Variants in WDPCP observed in about 807,000 individuals in gnomAD.
WDPCP encodes WD repeat containing planar cell polarity effector.
A neutral mutation model predicts 93.1 loss-of-function variants in WDPCP; 71 were observed. The ratio of observed to expected loss-of-function variants is 0.76; its 90% CI spans 0.63 to 0.93. The LOEUF (loss-of-function observed/expected upper bound fraction) is 0.93, where lower values mean the gene tolerates loss of function less well. Among genes scored for constraint, WDPCP ranks in the 40% least tolerant of loss-of-function variants. WDPCP has a pLI of 0.00. For synonymous variants in WDPCP, 315 were observed against 315.0 expected (o/e 1.00, Z 0.00); for missense variants, 844 against 887.4 (o/e 0.95, Z 0.62).
chr2:63,715,642 G>A (rs1451576259), intron 2 of WDPCP, among the ~76,000 whole-genome samples: 1 of 152,152 alleles, frequency 6.6e-6, no homozygotes, highest in Non-Finnish European at 1.5e-5. Flanking sequence ...ACTTTCAATA[G>A]AAAAATGGTA....
chr2:63,733,084 T>A (rs1669584147), intron 2 of WDPCP, among the ~76,000 whole-genome samples: 1 of 151,532 alleles, frequency 6.6e-6, no homozygotes, highest in African/African-American at 2.4e-5. Context: ...TAAATGGGTA[T>A]AAAATATAAG....
chr2:63,154,741 T>C (rs1672119530), intron 15 of WDPCP, among the ~76,000 whole-genome samples: 1 of 152,138 alleles, frequency 6.6e-6, no homozygotes, highest in African/African-American at 2.4e-5. Flanking sequence ...GTTGTACCAT[T>C]TTATATTACA....
At chr2:63,701,368 G>A (rs1669047129) in intron 2 of WDPCP, among the ~76,000 whole-genome samples, 2 of 152,236 alleles carry the variant, frequency 1.3e-5, no homozygotes, top group South Asian at 4.1e-4. Context: ...TGACAAGGAT[G>A]TGAAGAAAGG....
At chr2:63,360,145 G>A (rs1403692259) in intron 12 of WDPCP, 1 of 152,132 alleles carries the variant, frequency 6.6e-6, no homozygotes, top group Non-Finnish European at 1.5e-5. Context: ...CTTTATATAT[G>A]TGTGAAAAAG....
intron 1 of WDPCP, among the ~76,000 whole-genome samples, chr2:63,526,416 A>AGGAAT (rs1703341100): frequency 6.6e-6 from 1 of 152,230 alleles, no homozygotes; most frequent in Non-Finnish European, 1.5e-5. Flanking sequence ...CTGTTTGAAA[A>AGGAAT]GGAATTTTTT....
chr2:63,294,860 A>G (rs1684724147), intron 13 of WDPCP, among the ~76,000 whole-genome samples: 1 of 152,188 alleles, frequency 6.6e-6, no homozygotes, highest in Non-Finnish European at 1.5e-5. Context: ...TTTAAAAATT[A>G]TGAGTCTAAA....
intron 15 of WDPCP, among the ~76,000 whole-genome samples, chr2:63,171,622 G>A (rs892814608): frequency 6.6e-6 from 1 of 152,136 alleles, no homozygotes; most frequent in African/African-American, 2.4e-5. Flanking sequence ...AAACAATTTG[G>A]CAGTTTCTTA....
At chr2:63,353,320 G>A (rs1172233398) in intron 12 of WDPCP, among the ~76,000 whole-genome samples, 1 of 152,148 alleles carries the variant, frequency 6.6e-6, no homozygotes, top group East Asian at 1.9e-4. Context: ...AAAGTGGGAG[G>A]TTAGACATTG....
chr2:63,467,362 CCCAGCTGCTCAGGAGGCTGAGG>C (rs1486410754), intron 6 of WDPCP, among the ~76,000 whole-genome samples: 2 of 151,828 alleles, frequency 1.3e-5, no homozygotes, highest in Non-Finnish European at 2.9e-5. Flanking sequence ...CACTTATAAT[CCCAGCTGCTCAGGAGGCTGAGG>C]CAGGAGAATC....
At chr2:63,244,613 T>C (rs1267314453) in intron 14 of WDPCP, among the ~76,000 whole-genome samples, 1 of 152,146 alleles carries the variant, frequency 6.6e-6, no homozygotes, top group East Asian at 1.9e-4. Flanking sequence ...CTGGAAAATC[T>C]AGAGGAAATG....
chr2:63,533,288 T>G (rs1470011260), intron 1 of WDPCP, among the ~76,000 whole-genome samples: 2 of 152,062 alleles, frequency 1.3e-5, no homozygotes, highest in African/African-American at 4.8e-5. Flanking sequence ...CCATCAATAT[T>G]AGACAGATCG....
intron 2 of WDPCP, among the ~76,000 whole-genome samples, chr2:63,797,575 GTTTT>G (rs1670635184): frequency 1.3e-5 from 2 of 151,378 alleles, no homozygotes; most frequent in African/African-American, 4.9e-5. Context: ...TACATTCAGT[GTTTT>G]GAGACTTGGT....
chr2:63,241,531 T>G (rs1679858379), intron 14 of WDPCP, among the ~76,000 whole-genome samples: 1 of 152,192 alleles, frequency 6.6e-6, no homozygotes, highest in Non-Finnish European at 1.5e-5. Context: ...GAGCAAATCT[T>G]TACCTTCATC....
chr2:63,225,965 T>TTA (rs1256800193), intron 14 of WDPCP, among the ~76,000 whole-genome samples: 3 of 152,044 alleles, frequency 2.0e-5, no homozygotes, highest in African/African-American at 7.2e-5. Flanking sequence ...TGGATGCCAA[T>TTA]TATATGTGTG....
intron 2 of WDPCP, among the ~76,000 whole-genome samples, chr2:63,761,014 G>C (rs868803210): frequency 6.6e-6 from 1 of 152,134 alleles, no homozygotes; most frequent in Non-Finnish European, 1.5e-5. Context: ...GGAGGTGAAG[G>C]CTCCCTCTTC....
At position 63,299,282 on chromosome 2, in the gene WDPCP, C is replaced by A. The variant is rs367680661; in HGVS notation, c.1812+13966G>T. On this transcript the variant is annotated intron_variant, in intron 13 of 17. Transcript: ENST00000272321. ...TGCCTACAGCTCAGCCCATTGGCTACTATGCCCTTCACCTGTATCAAACCA... is the reference window on the plus strand; with the variant it reads ...TGCCTACAGCTCAGCCCATTGGCTAATATGCCCTTCACCTGTATCAAACCA... Among the ~76,000 whole-genome samples, 25 of 152,348 alleles carry A rather than the reference C, an allele frequency of 1.6e-4. 1 individual carries two copies. In the South Asian group the frequency reaches 5.0e-3, roughly 30 times the overall value.
At chr2:63,143,950 G>A (rs1378741845) in intron 17 of WDPCP, among the ~76,000 whole-genome samples, 4 of 152,138 alleles carry the variant, frequency 2.6e-5, no homozygotes, top group Non-Finnish European at 4.4e-5. Flanking sequence ...AATTTTCCAG[G>A]TGTTCTTTGT....
At chr2:63,770,365 G>GA (rs1412480019) in intron 2 of WDPCP, among the ~76,000 whole-genome samples, 1 of 151,800 alleles carries the variant, frequency 6.6e-6, no homozygotes, top group Non-Finnish European at 1.5e-5. Context: ...AAAAGAAGGT[G>GA]AAAATCATTT....
intron 1 of WDPCP, among the ~76,000 whole-genome samples, chr2:63,816,283 T>G (rs1236282329): frequency 6.6e-6 from 1 of 152,102 alleles, no homozygotes; most frequent in Non-Finnish European, 1.5e-5. Context: ...AAAAAAGAAA[T>G]ACTTCAGATG....
Sources: allele counts gnomAD v4.1 joint callset (sites outside exome capture counted in the v4.1 genomes callset), GRCh38; gene constraint gnomAD v4.1.1; transcripts MANE v1.5; gene names NCBI Gene and HGNC (gene_info 2026-07-23, HGNC 2026-07-21).